Variants in THSD4 observed in about 807,000 individuals in gnomAD.
THSD4 encodes the protein thrombospondin type-1 domain-containing protein 4.
In THSD4, 69 loss-of-function variants were observed where a neutral mutation model predicts 119.0. The ratio of observed to expected loss-of-function variants is 0.58; its 90% confidence interval spans 0.48 to 0.71. The LOEUF (loss-of-function observed/expected upper bound fraction) is 0.71. Among genes scored for constraint, THSD4 ranks in the 30% least tolerant of loss-of-function variants. The probability of loss-of-function intolerance (pLI) is 0.00; values close to 1 mark genes in which losing one functional copy is unlikely to be tolerated. For synonymous variants in THSD4, 524 were observed against 540.4 expected (o/e 0.97, Z 0.42); for missense variants, 1,393 against 1,391.1 (o/e 1.00, Z -0.02).
chr15:71,281,300 G>GA (rs1596312157), intron 6 of THSD4, among the ~76,000 whole-genome samples: 1 of 152,230 alleles, frequency 6.6e-6, no homozygotes, highest in South Asian at 2.1e-4. Context: ...TTGTGTCTGT[G>GA]AAAAACAGCC....
chr15:71,342,054 A>AG (rs1200440107), intron 6 of THSD4, among the ~76,000 whole-genome samples: 1 of 152,080 alleles, frequency 6.6e-6, no homozygotes, highest in East Asian at 1.9e-4. Context: ...GGAGATGGGG[A>AG]GGGGTAGAAT....
intron 7 of THSD4, among the ~76,000 whole-genome samples, chr15:71,601,495 G>A (rs1039095762): frequency 6.6e-6 from 1 of 152,218 alleles, no homozygotes; most frequent in African/African-American, 2.4e-5. Flanking sequence ...TCATGGGCCT[G>A]CCAAGACTCT....
At chr15:71,267,599 TTC>T (rs1405355853) in intron 6 of THSD4, among the ~76,000 whole-genome samples, 4 of 152,250 alleles carry the variant, frequency 2.6e-5, no homozygotes, top group African/African-American at 9.6e-5. Flanking sequence ...CAGGGTCAGA[TTC>T]ACACATAACA....
At chr15:71,534,823 C>T (rs1268134156) in intron 7 of THSD4, among the ~76,000 whole-genome samples, 3 of 152,058 alleles carry the variant, frequency 2.0e-5, no homozygotes, top group Admixed American at 6.6e-5. Context: ...TACTAAACAA[C>T]AAAAATTAGC....
rs1464984098 is a variant in THSD4, at chr15:71,250,159, T to G, written c.913-6454T>G. ...CTATTATGGCAAATTTTTCTTTGTA[T>G]CCTCATTACTGTCAACACCTCACAC... On this transcript the variant is annotated intron_variant, in intron 5 of 17. Transcript: ENST00000261862. Among the ~76,000 whole-genome samples, 34 of 152,208 alleles carry G rather than the reference T, an allele frequency of 2.2e-4. 1 individual carries two copies. Among genetic ancestry groups the G allele is most frequent in the Admixed American group, 2.2e-3 (33 of 15,280 alleles).
intron 7 of THSD4, among the ~76,000 whole-genome samples, chr15:71,468,887 T>C (rs2047535306): frequency 6.6e-6 from 1 of 152,260 alleles, no homozygotes; most frequent in South Asian, 2.1e-4. Flanking sequence ...ACACTACTTC[T>C]GCTCCCATCC....
At position 71,215,127 on chromosome 15, in the gene THSD4, C is replaced by A; in HGVS notation, c.192C>A (p.Ala64=). 5.9e-6 allele frequency: 8 copies of A among 1,366,916 alleles called. No individual in the cohort carries two copies. The highest frequency in any genetic ancestry group is 7.6e-6 in the Non-Finnish European group (8 of 1,055,412). The allele number at this position is 1,366,916 out of a possible 1,614,324, so 84.7% of individuals were successfully genotyped here. A position where few individuals can be genotyped will look rare whatever the true frequency, so the allele number is the denominator to read the frequency against. The part of the protein sequence containing the change: ...GVWGAWGPWS[A]CSRSCSGGVM... ...GGGGCGCCTGGGGCCCCTGGTCGGC[C>A]TGCTCGCGTAGCTGCAGCGGCGGCG... The change falls in exon 4 of 18, where the codon GCC becomes GCA. Residue 64 remains alanine (A), a synonymous_variant. Transcript: ENST00000261862.
At chr15:71,360,409 G>A (rs530527598) in intron 6 of THSD4, among the ~76,000 whole-genome samples, 1 of 152,120 alleles carries the variant, frequency 6.6e-6, no homozygotes, top group Admixed American at 6.5e-5. Context: ...TGGGTTACTC[G>A]GCTCTATCTC....
At chr15:71,775,423 G>A (rs2053895703) in intron 17 of THSD4, among the ~76,000 whole-genome samples, 1 of 151,924 alleles carries the variant, frequency 6.6e-6, no homozygotes. Context: ...GACAACCTGT[G>A]TCTAAAGTTT....
chr15:71,279,262 C>T (rs188688430), intron 6 of THSD4, among the ~76,000 whole-genome samples: 3 of 152,220 alleles, frequency 2.0e-5, no homozygotes, highest in Admixed American at 6.5e-5. Flanking sequence ...CTTAAGGTTA[C>T]GTAACAGCTC....
intron 14 of THSD4, 76 bp from the exon 15 acceptor site, chr15:71,757,826 T>C: frequency 6.3e-7 from 1 of 1,578,918 alleles, no homozygotes; most frequent in Non-Finnish European, 8.6e-7. Flanking sequence ...CATTCCATCC[T>C]CCTTTCCATC....
chr15:71,308,721 C>T (rs988930801), intron 6 of THSD4, among the ~76,000 whole-genome samples: 5 of 152,154 alleles, frequency 3.3e-5, no homozygotes, highest in East Asian at 1.9e-4. Flanking sequence ...TGAATATTCA[C>T]GTGCAAGTTA....
intron 2 of THSD4, among the ~76,000 whole-genome samples, chr15:71,147,412 C>T (rs2141376487): frequency 6.6e-6 from 1 of 152,190 alleles, no homozygotes; most frequent in African/African-American, 2.4e-5. Context: ...ATCTCACCAT[C>T]TTGCCCAGGC....
At chr15:71,326,203 T>C (rs551699105) in intron 6 of THSD4, among the ~76,000 whole-genome samples, 1 of 152,272 alleles carries the variant, frequency 6.6e-6, no homozygotes, top group African/African-American at 2.4e-5. Context: ...AGCTTTGGTT[T>C]CCTCGTTCAC....
At chr15:71,530,891 G>A (rs1382009574) in intron 7 of THSD4, among the ~76,000 whole-genome samples, 2 of 149,480 alleles carry the variant, frequency 1.3e-5, no homozygotes, top group African/African-American at 2.5e-5. Context: ...TGTGGATGAG[G>A]AAGGGGGTCT....
intron 16 of THSD4, among the ~76,000 whole-genome samples, chr15:71,770,346 TAAAAA>T (rs71131707): frequency 2.4e-5 from 3 of 127,498 alleles, no homozygotes; most frequent in African/African-American, 9.2e-5. Context: ...ATATGTCCTT[TAAAAA>T]AAAAAAAAAA....
intron 7 of THSD4, among the ~76,000 whole-genome samples, chr15:71,461,618 G>A (rs2140615840): frequency 6.6e-6 from 1 of 152,290 alleles, no homozygotes; most frequent in South Asian, 2.1e-4. Flanking sequence ...ACCAAACAGT[G>A]TCAAAATATA....
chr15:71,480,619 C>G (rs894633038), intron 7 of THSD4, among the ~76,000 whole-genome samples: 1 of 152,192 alleles, frequency 6.6e-6, no homozygotes, highest in African/African-American at 2.4e-5. Flanking sequence ...GCTCTGCTCC[C>G]TGAGCCTCTT....
intron 1 of THSD4, among the ~76,000 whole-genome samples, chr15:71,136,734 C>T (rs2040555388): frequency 6.6e-6 from 1 of 152,020 alleles, no homozygotes; most frequent in Admixed American, 6.5e-5. Flanking sequence ...ACTTGAGAGA[C>T]TGAGCAGATC....
Sources: allele counts gnomAD v4.1 joint callset (sites outside exome capture counted in the v4.1 genomes callset), GRCh38; gene constraint gnomAD v4.1.1; transcripts MANE v1.5; gene names NCBI Gene and HGNC (gene_info 2026-07-23, HGNC 2026-07-21).